GTF2I: variants seen among roughly 807,000 people sequenced by gnomAD.
GTF2I encodes the protein general transcription factor IIi.
Under a neutral mutation model 67.6 loss-of-function variants are expected in GTF2I, and 12 were observed. The ratio of observed to expected loss-of-function variants is 0.18; its 90% CI spans 0.11 to 0.29. The LOEUF is 0.29. Among genes scored for constraint, GTF2I ranks in the 10% least tolerant of loss-of-function variants. The pLI, the probability that GTF2I is intolerant of heterozygous loss-of-function variation, is 1.00. For synonymous variants in GTF2I, 149 were observed against 197.0 expected (o/e 0.76, Z 2.04); for missense variants, 271 against 580.1 (o/e 0.47, Z 5.47).
intron 14 of GTF2I, among the ~76,000 whole-genome samples, chr7:74,731,917 T>C (rs1794519895): frequency 6.6e-6 from 1 of 151,718 alleles, no homozygotes; most frequent in South Asian, 2.1e-4. Flanking sequence ...TGTAACCTAG[T>C]GGTAAGATCA....
intron 8 of GTF2I, 50 bp from the exon 9 acceptor site, chr7:74,710,982 C>A: frequency 2.3e-6 from 2 of 869,672 alleles, no homozygotes; most frequent in Non-Finnish European, 3.7e-6. Flanking sequence ...CCTACACAAT[C>A]TAGCTGAAAG....
At chr7:74,681,200 C>T (rs1787240299) in intron 1 of GTF2I, among the ~76,000 whole-genome samples, 1 of 152,160 alleles carries the variant, frequency 6.6e-6, no homozygotes, top group South Asian at 2.1e-4. Flanking sequence ...TTGGGGAGGC[C>T]AAGGCGGGCA....
intron 6 of GTF2I, 28 bp from the exon 7 acceptor site, chr7:74,705,135 TA>T: frequency 1.4e-6 from 2 of 1,457,480 alleles, no homozygotes; most frequent in Non-Finnish European, 9.6e-7. Context: ...GTTGAAAAAC[TA>T]ACTCCAATTT....
chr7:74,684,921 G>A (rs1787569436), intron 1 of GTF2I: 1 of 152,306 alleles, frequency 6.6e-6, no homozygotes, highest in African/African-American at 2.4e-5. Flanking sequence ...TCCACAAAGA[G>A]GGGGCGGGCC....
At chr7:74,714,502 G>A (rs1554403196) in intron 9 of GTF2I, among the ~76,000 whole-genome samples, 1 of 152,050 alleles carries the variant, frequency 6.6e-6, no homozygotes, top group Non-Finnish European at 1.5e-5. Context: ...AGATAAACCT[G>A]CATTTGTAAT....
chr7:74,673,674 C>T lies in GTF2I; in HGVS notation c.-5-15450C>T, dbSNP rs1319533524. Reference sequence around the variant, plus strand: ...GATTACAGGGATGAGCCACCACGCCCGGCCTCTTTTTTTTTTTTTTTTTTT... The same window carrying T: ...GATTACAGGGATGAGCCACCACGCCTGGCCTCTTTTTTTTTTTTTTTTTTT... On this transcript the variant is annotated intron_variant, in intron 1 of 34. Transcript: ENST00000573035. Among the ~76,000 whole-genome samples, 5 of 147,668 alleles carry T rather than the reference C, an allele frequency of 3.4e-5. No individual in the cohort carries two copies. The East Asian group carries it at 6.0e-4, about 18-fold the overall frequency.
At chr7:74,748,512 A>G (rs1159202527) in intron 24 of GTF2I, among the ~76,000 whole-genome samples, 1 of 152,086 alleles carries the variant, frequency 6.6e-6, no homozygotes, top group African/African-American at 2.4e-5. Flanking sequence ...ATTTGTAGTC[A>G]ACATAAAAGC....
intron 1 of GTF2I, among the ~76,000 whole-genome samples, chr7:74,662,550 T>A (rs1288367431): frequency 9.3e-6 from 1 of 107,808 alleles, no homozygotes. Context: ...TGAGACACAG[T>A]CTTGCTCTAT....
intron 9 of GTF2I, among the ~76,000 whole-genome samples, chr7:74,712,920 A>C (rs1414535941): frequency 6.6e-6 from 1 of 152,110 alleles, no homozygotes; most frequent in African/African-American, 2.4e-5. Context: ...TTGTATTCCA[A>C]AATAGGCTTG....
intron 1 of GTF2I, among the ~76,000 whole-genome samples, chr7:74,662,488 G>GCTCA (rs1208782627): frequency 7.1e-6 from 1 of 141,144 alleles, no homozygotes; most frequent in Non-Finnish European, 1.5e-5. Flanking sequence ...GGGATTACAG[G>GCTCA]CGTGAGCCAC....
At chr7:74,658,438 C>T (rs1315217014) in intron 1 of GTF2I, among the ~76,000 whole-genome samples, 1 of 145,658 alleles carries the variant, frequency 6.9e-6, no homozygotes, top group Admixed American at 6.8e-5. Flanking sequence ...GCGTGCGATC[C>T]CGCGCGCGAG....
intron 6 of GTF2I, among the ~76,000 whole-genome samples, chr7:74,703,415 T>C (rs1554400397): frequency 6.6e-6 from 1 of 152,004 alleles, no homozygotes; most frequent in Non-Finnish European, 1.5e-5. Context: ...AGTCTCGCTG[T>C]GTCACCCAGG....
intron 1 of GTF2I, among the ~76,000 whole-genome samples, chr7:74,683,799 G>A (rs1554394707): frequency 6.6e-6 from 1 of 152,080 alleles, no homozygotes; most frequent in Non-Finnish European, 1.5e-5. Context: ...ATTTCAGTGA[G>A]CCAGGATCGT....
At chr7:74,698,274 A>T (rs1244339145) in intron 3 of GTF2I, among the ~76,000 whole-genome samples, 2 of 150,084 alleles carry the variant, frequency 1.3e-5, no homozygotes, top group Admixed American at 1.3e-4. Context: ...TATTTTTAGT[A>T]GAGACGGTGG....
At chr7:74,706,501 T>C in intron 8 of GTF2I, 68 bp downstream of exon 8, 1 of 1,158,294 alleles carries the variant, frequency 8.6e-7, no homozygotes, top group African/African-American at 1.5e-5. Flanking sequence ...TAGAAGTTTA[T>C]AGTTTGACTC....
At chr7:74,673,228 TA>T (rs1321204689) in intron 1 of GTF2I, among the ~76,000 whole-genome samples, 2 of 152,138 alleles carry the variant, frequency 1.3e-5, no homozygotes, top group Non-Finnish European at 2.9e-5. Flanking sequence ...AGATGTGAGG[TA>T]GGCACTATTA....
chr7:74,658,423 C>T (rs1425413184), intron 1 of GTF2I, among the ~76,000 whole-genome samples: 3 of 144,950 alleles, frequency 2.1e-5, no homozygotes, highest in Non-Finnish European at 4.6e-5. Context: ...GGGGGGGCGC[C>T]TCGCGCGTGC....
intron 2 of GTF2I, among the ~76,000 whole-genome samples, chr7:74,690,215 A>G (rs587712881): frequency 2.2e-4 from 31 of 143,866 alleles, no homozygotes; most frequent in African/African-American, 7.8e-4. Flanking sequence ...ACTCTGTCTT[A>G]AAAAAAAAAA....
At chr7:74,681,392 G>A (rs1438092313) in intron 1 of GTF2I, among the ~76,000 whole-genome samples, 2 of 151,870 alleles carry the variant, frequency 1.3e-5, no homozygotes, top group African/African-American at 4.8e-5. Context: ...CCGAGATCGT[G>A]CCATTGCACT....
Sources: allele counts gnomAD v4.1 joint callset (sites outside exome capture counted in the v4.1 genomes callset), GRCh38; gene constraint gnomAD v4.1.1; transcripts MANE v1.5; gene names NCBI Gene and HGNC (gene_info 2026-07-23, HGNC 2026-07-21).